DSCAM: variants seen among roughly 807,000 people sequenced by gnomAD.
DSCAM encodes the protein DS cell adhesion molecule.
DSCAM carries 47 observed loss-of-function variants against 217.7 expected under a neutral mutation model. The observed-to-expected ratio is 0.22, with a 90% CI of 0.17 to 0.28. The LOEUF (loss-of-function observed/expected upper bound fraction) is 0.28, where lower values mean the gene tolerates loss of function less well. Among genes scored for constraint, DSCAM ranks in the 10% least tolerant of loss-of-function variants. The pLI is 1.00. For synonymous variants in DSCAM, 1,056 were observed against 1,015.3 expected (o/e 1.04, Z -0.76); for missense variants, 2,080 against 2,618.3 (o/e 0.79, Z 4.49).
chr21:40,537,221 G>A (rs1159986844), intron 3 of DSCAM, among the ~76,000 whole-genome samples: 2 of 152,046 alleles, frequency 1.3e-5, no homozygotes, highest in African/African-American at 4.8e-5. Context: ...AAAGTTCCTG[G>A]AGGCCTACTG....
chr21:40,621,231 CAAAA>C (rs371791560), intron 3 of DSCAM: 1 of 151,802 alleles, frequency 6.6e-6, no homozygotes, highest in African/African-American at 2.4e-5. Context: ...TTTATAACTA[CAAAA>C]AAACAAACAA....
At chr21:40,639,839 C>T (rs1382181501) in intron 3 of DSCAM, among the ~76,000 whole-genome samples, 1 of 152,094 alleles carries the variant, frequency 6.6e-6, no homozygotes, top group Non-Finnish European at 1.5e-5. Context: ...ATGCTTTTTC[C>T]CTCCATAAAA....
intron 15 of DSCAM, among the ~76,000 whole-genome samples, chr21:40,174,531 C>CTT (rs112792781): frequency 0.35 from 50,057 of 143,010 alleles, 8,643 homozygotes; most frequent in African/African-American, 0.39. Flanking sequence ...CCATGTTATT[C>CTT]TTTTTTTTTT....
intron 11 of DSCAM, among the ~76,000 whole-genome samples, chr21:40,257,017 C>T (rs942289122): frequency 2.6e-5 from 4 of 152,148 alleles, no homozygotes; most frequent in African/African-American, 4.8e-5. Flanking sequence ...CTTAATGTCC[C>T]GTAACTTTAC....
intron 6 of DSCAM, among the ~76,000 whole-genome samples, chr21:40,347,352 C>G (rs1200713342): frequency 6.6e-6 from 1 of 151,652 alleles, no homozygotes; most frequent in Non-Finnish European, 1.5e-5. Context: ...AGACCCTGGT[C>G]TAGAGATGAA....
intron 11 of DSCAM, among the ~76,000 whole-genome samples, chr21:40,235,456 C>T (rs1017473024): frequency 2.6e-5 from 4 of 152,274 alleles, no homozygotes; most frequent in African/African-American, 9.6e-5. Context: ...ACTAAGAGAG[C>T]TGCTACTTCG....
intron 1 of DSCAM, among the ~76,000 whole-genome samples, chr21:40,719,689 A>C (rs2090880837): frequency 6.6e-6 from 1 of 152,194 alleles, no homozygotes; most frequent in Non-Finnish European, 1.5e-5. Context: ...GCAAAAAGAC[A>C]CCAAAGGGAT....
At chr21:40,679,970 G>A (rs1004939463) in intron 3 of DSCAM, among the ~76,000 whole-genome samples, 1 of 152,004 alleles carries the variant, frequency 6.6e-6, no homozygotes, top group Admixed American at 6.6e-5. Context: ...TGACCTTCTG[G>A]TTTCTGGGAT....
chr21:40,828,090 G>A (rs1452267470), intron 1 of DSCAM, among the ~76,000 whole-genome samples: 1 of 152,078 alleles, frequency 6.6e-6, no homozygotes, highest in Non-Finnish European at 1.5e-5. Flanking sequence ...GGAAGAGGGG[G>A]AAGTTGAGGC....
chr21:40,492,270 T>C (rs963340564), intron 3 of DSCAM, among the ~76,000 whole-genome samples: 1 of 152,192 alleles, frequency 6.6e-6, no homozygotes, highest in African/African-American at 2.4e-5. Flanking sequence ...TTGCTTTCTA[T>C]TTGAATATAG....
At chr21:40,636,880 A>C (rs2898418) in intron 3 of DSCAM, among the ~76,000 whole-genome samples, 95,827 of 147,872 alleles carry the variant, frequency 0.65, 31,246 homozygotes, top group Admixed American at 0.7. Flanking sequence ...GGCAGCTAAT[A>C]AAAGGTTCAT....
intron 3 of DSCAM, among the ~76,000 whole-genome samples, chr21:40,637,272 TATATATATATAAATATATATAAATATAA>T: frequency 2.2e-4 from 1 of 4,622 alleles, no homozygotes; most frequent in Non-Finnish European, 2.9e-4. Context: ...TAAATATAAA[TATATATATATAAATATATATAAATATAA>T]ATATATATAT....
At chr21:40,111,550 A>G (rs2089899257) in intron 20 of DSCAM, among the ~76,000 whole-genome samples, 1 of 152,218 alleles carries the variant, frequency 6.6e-6, no homozygotes, top group Non-Finnish European at 1.5e-5. Context: ...GACAGGATCA[A>G]ATTCACACAT....
intron 2 of DSCAM, 70 bp from the exon 3 acceptor site, chr21:40,693,026 A>T: frequency 1.3e-6 from 2 of 1,537,904 alleles, no homozygotes; most frequent in Non-Finnish European, 1.8e-6. Context: ...ATCTCACTGT[A>T]ATATATACAC....
rs1250479046 is a variant in DSCAM at position 40,011,076 on chromosome 21, A to G, written c.*1958T>C. 1.3e-5 allele frequency: 2 copies of G among 152,188 alleles called. No individual in the cohort carries two copies. Among genetic ancestry groups the G allele is most frequent in the Non-Finnish European group, 2.9e-5 (2 of 68,036 alleles). 9.4% of individuals were successfully genotyped at this position (152,188 alleles called of 1,614,324 possible). A position where few individuals can be genotyped will look rare whatever the true frequency, so the allele number is the denominator to read the frequency against. The stretch of plus-strand genomic sequence containing the variant: ...GTAAACTTCTATGTTTGGGGGATAT[A>G]GAAGTTTTAGGTTGATGAAAGATAG... On this transcript the variant is annotated 3_prime_UTR_variant, in exon 33 of 33. Coordinates refer to ENST00000400454, the MANE Select transcript of DSCAM (RefSeq NM_001389.5).
intron 1 of DSCAM, among the ~76,000 whole-genome samples, chr21:40,844,684 GTTTA>G (rs1276091437): frequency 2.0e-5 from 3 of 151,154 alleles, no homozygotes; most frequent in African/African-American, 4.9e-5. Context: ...TTCTATGATT[GTTTA>G]TTTTAGTTAT....
intron 1 of DSCAM, among the ~76,000 whole-genome samples, chr21:40,797,719 C>G (rs1172152666): frequency 2.0e-5 from 3 of 152,154 alleles, no homozygotes; most frequent in African/African-American, 7.2e-5. Flanking sequence ...TTGTTTGGAA[C>G]ATAAGCAGAG....
chr21:40,139,361 A>C (rs928578675), intron 18 of DSCAM, among the ~76,000 whole-genome samples: 2 of 151,970 alleles, frequency 1.3e-5, no homozygotes, highest in African/African-American at 2.4e-5. Flanking sequence ...TATAGGTAAG[A>C]AGTATATTGG....
At chr21:40,247,329 T>G (rs2073239813) in intron 11 of DSCAM, among the ~76,000 whole-genome samples, 1 of 152,166 alleles carries the variant, frequency 6.6e-6, no homozygotes, top group African/African-American at 2.4e-5. Flanking sequence ...TAACCCAAAG[T>G]TCACAGTCCA....
Sources: allele counts gnomAD v4.1 joint callset (sites outside exome capture counted in the v4.1 genomes callset), GRCh38; gene constraint gnomAD v4.1.1; transcripts MANE v1.5; gene names NCBI Gene and HGNC (gene_info 2026-07-23, HGNC 2026-07-21).